GALR1: variants seen among roughly 807,000 people sequenced by gnomAD.
GALR1 encodes the protein galanin receptor type 1.
In GALR1, 11 loss-of-function variants were observed where a neutral mutation model predicts 17.9. That is an observed-to-expected ratio of 0.62 (90% CI 0.39 to 1.02). The LOEUF is 1.02. Among genes scored for constraint, GALR1 ranks in the 50% least tolerant of loss-of-function variants. GALR1 has a pLI of 0.01. For synonymous variants in GALR1, 206 were observed against 205.7 expected, an observed-to-expected ratio of 1.00 and a Z score of -0.01; for missense variants, 441 against 456.9, an observed-to-expected ratio of 0.97 and a Z score of 0.32.
chr18:77,259,283 C>G lies in GALR1; in HGVS notation c.732+3060C>G, dbSNP rs1220550394. 1.6e-4 allele frequency among the ~76,000 whole-genome samples: 8 copies of G among 49,612 alleles called. 1 individual carries two copies. The highest frequency in any genetic ancestry group is 4.6e-4 in the African/African-American group (6 of 12,918). 32.5% of individuals were successfully genotyped at this position (49,612 alleles called of 152,430 possible). A position where few individuals can be genotyped will look rare whatever the true frequency, so the allele number is the denominator to read the frequency against. ...TGGTGGTGTTGGTGTTGGTGGTGGT[C>G]ATGGTGGTCATGGTGGTGATGATGG... is the stretch of plus-strand genomic sequence containing the variant. On this transcript the variant is annotated intron_variant, in intron 2 of 2. Transcript: ENST00000299727.
At position 77,271,246 on chromosome 18, in the gene GALR1, A is replaced by ACCCCCCCCCC. The variant is rs35556274; in HGVS notation, c.*2348_*2357dup. 21 of 77,988 alleles carry ACCCCCCCCCC rather than the reference A, an allele frequency of 2.7e-4. No homozygotes were observed. Among genetic ancestry groups the ACCCCCCCCCC allele is most frequent in the Non-Finnish European group, 4.0e-4 (14 of 35,088 alleles). The allele number at this position is 77,988 out of a possible 1,614,324, so 4.8% of individuals were successfully genotyped here. ...CAAAAAGTAATAGCTTGCGCTTGAA[A>ACCCCCCCCCC]CCCCCCCCCCCCCGCCACTTTGCTA... On this transcript the variant is annotated 3_prime_UTR_variant, in exon 3 of 3. Transcript: ENST00000299727.
At position 77,251,108 on chromosome 18, in the gene GALR1, G is replaced by C. The variant is rs1275800353; in HGVS notation, c.560G>C (p.Cys187Ser). Residue 187 changes from cysteine (C) to serine (S), a missense_variant, in exon 1 of 3, where the codon TGC becomes TCC. By Grantham distance (112) the Cys-to-Ser change is moderately radical (BLOSUM62 -1). Transcript: ENST00000299727. ...CCGCGCGCCAGCAACCAGACCTTCTGCTGGGAGCAGTGGCCCGACCCTCGC... is the reference window on the plus strand; with the variant it reads ...CCGCGCGCCAGCAACCAGACCTTCTCCTGGGAGCAGTGGCCCGACCCTCGC... ...FHPRASNQTFCWEQWPDPRHK... is the reference protein window; with the variant it reads ...FHPRASNQTFSWEQWPDPRHK... The C allele has an allele frequency of 6.2e-7, 1 of 1,612,524 alleles. No homozygotes were observed. Among genetic ancestry groups the C allele is most frequent in the East Asian group, 2.2e-5 (1 of 44,878 alleles).
intron 2 of GALR1, among the ~76,000 whole-genome samples, chr18:77,258,657 G>GTGGTGGTGATGGTGGTGA (rs1912670896): frequency 7.1e-6 from 1 of 140,150 alleles, no homozygotes. Context: ...GGTCATAGTG[G>GTGGTGGTGATGGTGGTGA]TGGTGGTGGT....
chr18:77,268,514 A>C, intron 2 of GALR1, 71 bp from the exon 3 acceptor site: 72 of 954,598 alleles, frequency 7.5e-5, no homozygotes, highest in Non-Finnish European at 1.0e-4. Context: ...TAATCAATGA[A>C]TTTCCTTCCT....
Position 77,268,732 on chromosome 18 carries a change from A to G in GALR1, c.880A>G (p.Ser294Gly), listed in dbSNP as rs777666336. ...FRITAHCLAYSNSSVNPIIYA... is the reference protein window; with the variant it reads ...FRITAHCLAYGNSSVNPIIYA... The stretch of plus-strand genomic sequence containing the variant: ...AATCACCGCCCACTGCCTGGCGTAC[A>G]GCAATTCCTCCGTGAATCCTATCAT... Residue 294 changes from serine (S) to glycine (G), a missense_variant, in exon 3 of 3, where the codon AGC (serine) becomes GGC (glycine). By Grantham distance (56) the Ser-to-Gly change is moderately conservative. Transcript: ENST00000299727. The G allele has an allele frequency of 6.8e-6, 11 of 1,614,078 alleles. No individual in the cohort carries two copies. The highest frequency in any genetic ancestry group is 1.7e-5 in the Admixed American group (1 of 60,002).
intron 2 of GALR1, among the ~76,000 whole-genome samples, chr18:77,258,358 C>T (rs960231328): frequency 1.3e-5 from 2 of 152,208 alleles, no homozygotes; most frequent in African/African-American, 4.8e-5. Flanking sequence ...CAGCCTCTGA[C>T]CCTTAACAGC....
At chr18:77,259,039 A>T (rs181142813) in intron 2 of GALR1, among the ~76,000 whole-genome samples, 2 of 4,954 alleles carry the variant, frequency 4.0e-4, no homozygotes, top group Admixed American at 2.0e-3. Context: ...GGTGGTCATG[A>T]TGGTCATGGT....
intron 2 of GALR1, among the ~76,000 whole-genome samples, chr18:77,260,230 T>C (rs753628822): frequency 3.3e-5 from 5 of 152,216 alleles, no homozygotes; most frequent in Non-Finnish European, 7.3e-5. Context: ...GGCCGTTTTC[T>C]GGTTCATAGA....
rs1272843389 is a variant in GALR1, at chr18:77,251,030, C to A, written c.482C>A (p.Ala161Glu). The change falls in exon 1 of 3, where the codon GCG becomes GAG. Residue 161 changes from alanine to glutamate, a missense_variant. Transcript: ENST00000299727. Reference protein sequence around the residue: ...NALLGVGCIWALSIAMASPVA... With the variant: ...NALLGVGCIWELSIAMASPVA... ...CTGCTGGGCGTGGGCTGCATCTGGGCGCTGTCCATTGCCATGGCCTCGCCC... is the reference window on the plus strand; with the variant it reads ...CTGCTGGGCGTGGGCTGCATCTGGGAGCTGTCCATTGCCATGGCCTCGCCC... The A allele has an allele frequency of 1.9e-6, 3 of 1,605,798 alleles. No individual in the cohort carries two copies. The highest frequency in any genetic ancestry group is 2.5e-6 in the Non-Finnish European group (3 of 1,179,864).
intron 2 of GALR1, among the ~76,000 whole-genome samples, chr18:77,266,823 A>C (rs997851323): frequency 2.0e-5 from 3 of 152,160 alleles, no homozygotes; most frequent in African/African-American, 7.2e-5. Flanking sequence ...TGATTCAATT[A>C]CCTCTCACTG....
chr18:77,250,611 G>A lies in GALR1; in HGVS notation c.63G>A (p.Pro21=). The change falls in exon 1 of 3, where the codon CCG becomes CCA. Residue 21 remains proline (P), a synonymous_variant. Transcript: ENST00000299727. ...GNASWPEPPA[P]EPGPLFGIGV... Reference sequence around the variant, plus strand: ...CGAGCTGGCCGGAGCCCCCCGCCCCGGAGCCCGGGCCGCTGTTCGGCATCG... The same window carrying A: ...CGAGCTGGCCGGAGCCCCCCGCCCCAGAGCCCGGGCCGCTGTTCGGCATCG... 1 of 1,568,894 alleles carries A rather than the reference G, an allele frequency of 6.4e-7. No individual in the cohort carries two copies. Among genetic ancestry groups the A allele is most frequent in the Non-Finnish European group, 8.6e-7 (1 of 1,160,988 alleles).
In GALR1 at chr18:77,250,251, G is replaced by C. The variant is rs528739386; in HGVS notation, c.-298G>C. Among the ~76,000 whole-genome samples the C allele has an allele frequency of 6.6e-6, 1 of 152,034 alleles. No homozygotes were observed. The highest frequency in any genetic ancestry group is 1.5e-5 in the Non-Finnish European group (1 of 67,964). On this transcript the variant is annotated 5_prime_UTR_variant, in exon 1 of 3. Transcript: ENST00000299727. ...TTCCCAGGCTCCGTGGTCGCGCAGC[G>C]GGCGGAGGCGCCCGGGAAGGGGACC...
intron 1 of GALR1, among the ~76,000 whole-genome samples, chr18:77,252,944 CCACCATCACCACCAT>C (rs1568139135): frequency 6.8e-4 from 40 of 58,684 alleles, no homozygotes; most frequent in African/African-American, 1.8e-3. Context: ...ACCACCACCA[CCACCATCACCACCAT>C]CACCACCACC....
Position 77,272,942 on chromosome 18 carries a change from T to TG in GALR1, c.*4045dup, listed in dbSNP as rs1245412348. 5.9e-5 allele frequency: 9 copies of TG among 152,218 alleles called. No individual in the cohort carries two copies. The highest frequency in any genetic ancestry group is 1.9e-4 in the African/African-American group (8 of 41,446). The allele number at this position is 152,218 out of a possible 1,614,324, so 9.4% of individuals were successfully genotyped here. On this transcript the variant is annotated 3_prime_UTR_variant, in exon 3 of 3. Coordinates refer to ENST00000299727, the MANE Select transcript of GALR1 (RefSeq NM_001480.4). The stretch of plus-strand genomic sequence containing the variant: ...TTTAAAATGCTTAAGACATCTTTGA[T>TG]GGGGGCTGTATTTGCATTAGGCAGA...
At chr18:77,254,222 G>A (rs138712493) in intron 1 of GALR1, among the ~76,000 whole-genome samples, 119 of 152,206 alleles carry the variant, frequency 7.8e-4, no homozygotes, top group Non-Finnish European at 1.4e-3. Flanking sequence ...CTTCTTAAAC[G>A]TCGTCATACC....
chr18:77,266,666 G>GTTT (rs1312120576), intron 2 of GALR1, among the ~76,000 whole-genome samples: 1 of 152,336 alleles, frequency 6.6e-6, no homozygotes, highest in African/African-American at 2.4e-5. Context: ...TACAATCATA[G>GTTT]CAGAAAGGGA....
In GALR1 at chr18:77,277,258, C is replaced by A. The variant is rs1309235710; in HGVS notation, c.*8356C>A. ...GGTTTGATATGGTTTGGCTCTGTGT[C>A]TCCACCCAAATCTCACCTTGAATTG... On this transcript the variant is annotated 3_prime_UTR_variant, in exon 3 of 3. Coordinates refer to ENST00000299727, the MANE Select transcript of GALR1 (RefSeq NM_001480.4). The A allele has an allele frequency of 1.3e-5, 2 of 152,158 alleles. No individual in the cohort carries two copies. Among genetic ancestry groups the A allele is most frequent in the African/African-American group, 4.8e-5 (2 of 41,442 alleles). The allele number at this position is 152,158 out of a possible 1,614,324, so 9.4% of individuals were successfully genotyped here. A position where few individuals can be genotyped will look rare whatever the true frequency, so the allele number is the denominator to read the frequency against.
Position 77,276,739 on chromosome 18 carries a change from T to C in GALR1, c.*7837T>C, listed in dbSNP as rs1259055600. 1 of 152,208 alleles carries C rather than the reference T, an allele frequency of 6.6e-6. No individual in the cohort carries two copies. The highest frequency in any genetic ancestry group is 1.5e-5 in the Non-Finnish European group (1 of 68,030). 9.4% of individuals were successfully genotyped at this position (152,208 alleles called of 1,614,324 possible). On this transcript the variant is annotated 3_prime_UTR_variant, in exon 3 of 3. Coordinates refer to ENST00000299727, the MANE Select transcript of GALR1 (RefSeq NM_001480.4). ...TAAAGTCTAAGCTTCTATGGTTCTG[T>C]GAAAAAAATTGTTTACATGGAATTT... is the stretch of plus-strand genomic sequence containing the variant.
rs1469533144 is a variant in GALR1 at position 77,273,019 on chromosome 18, G to A, written c.*4117G>A. 6.6e-6 allele frequency: 1 copy of A among 152,222 alleles called. No homozygotes were observed. Among genetic ancestry groups the A allele is most frequent in the African/African-American group, 2.4e-5 (1 of 41,454 alleles). 9.4% of individuals were successfully genotyped at this position (152,222 alleles called of 1,614,324 possible). A position where few individuals can be genotyped will look rare whatever the true frequency, so the allele number is the denominator to read the frequency against. On this transcript the variant is annotated 3_prime_UTR_variant, in exon 3 of 3. Transcript: ENST00000299727. ...TTGTGATGCATTAGCAGGATGTTTT[G>A]TTCATCGACTTGTGAAAGTGCTGTG...
Sources: gnomAD v4.1 joint callset for allele counts (sites outside exome capture counted in the v4.1 genomes callset) on GRCh38, gnomAD v4.1.1 for gene constraint, MANE v1.5 for transcripts, NCBI Gene and HGNC (gene_info 2026-07-23, HGNC 2026-07-21) for gene names.